The following NOVA1 variants were observed in gnomAD, a reference collection of about 807,000 sequenced individuals.
NOVA1 encodes the protein RNA-binding protein Nova-1.
NOVA1 carries 7 observed loss-of-function variants against 38.0 expected under a neutral mutation model. The ratio of observed to expected loss-of-function variants is 0.18; its 90% CI spans 0.10 to 0.35. The LOEUF (loss-of-function observed/expected upper bound fraction) is 0.35. NOVA1 is among the 10% of genes least tolerant of loss of function. The pLI is 1.00. For missense variants in NOVA1, 460 were observed against 616.0 expected, an observed-to-expected ratio of 0.75 and a Z score of 2.68; for synonymous variants, 270 against 232.5, an observed-to-expected ratio of 1.16 and a Z score of -1.47.
intron 2 of NOVA1, among the ~76,000 whole-genome samples, chr14:26,516,394 T>A (rs1374274199): frequency 6.6e-6 from 1 of 152,176 alleles, no homozygotes; most frequent in African/African-American, 2.4e-5. Flanking sequence ...TTTTCCCCTT[T>A]ATGGTTAGAG....
Position 26,482,479 on chromosome 14 carries a change from T to TA in NOVA1, c.281-2337dup, listed in dbSNP as rs559584698. Among the ~76,000 whole-genome samples the TA allele has an allele frequency of 4.2e-4, 64 of 151,918 alleles. No individual in the cohort carries two copies. In the South Asian group the frequency reaches 7.7e-3, roughly 18 times the overall value. ...TGTCAGGTGTATGATCAAACTGTGT[T>TA]AAAAAAAATGAGCCTATAAATCATA... On this transcript the variant is annotated intron_variant, in intron 2 of 4. Transcript: ENST00000539517.
At chr14:26,530,585 G>A (rs545517819) in intron 2 of NOVA1, among the ~76,000 whole-genome samples, 11 of 152,104 alleles carry the variant, frequency 7.2e-5, no homozygotes, top group South Asian at 2.1e-4. Flanking sequence ...TGTTACTTGC[G>A]CTGTTTATTC....
At chr14:26,465,286 T>C (rs2138222832) in intron 4 of NOVA1, among the ~76,000 whole-genome samples, 1 of 152,208 alleles carries the variant, frequency 6.6e-6, no homozygotes. Context: ...GCAATTCTCC[T>C]CCCTCAGCCT....
chr14:26,454,699 C>A (rs1883010473), intron 4 of NOVA1, among the ~76,000 whole-genome samples: 1 of 152,100 alleles, frequency 6.6e-6, no homozygotes, highest in South Asian at 2.1e-4. Context: ...TTATATCATG[C>A]ATTATTTGCC....
chr14:26,483,918 A>G (rs1204503129), intron 2 of NOVA1, among the ~76,000 whole-genome samples: 2 of 152,194 alleles, frequency 1.3e-5, no homozygotes, highest in Non-Finnish European at 1.5e-5. Context: ...AATGACAAGG[A>G]CAGAGTTTTG....
At chr14:26,515,804 T>C (rs1252852830) in intron 2 of NOVA1, among the ~76,000 whole-genome samples, 1 of 152,062 alleles carries the variant, frequency 6.6e-6, no homozygotes, top group Non-Finnish European at 1.5e-5. Flanking sequence ...TTAGAATGCC[T>C]ATACATTTCC....
chr14:26,579,024 ATT>A (rs78974592), intron 2 of NOVA1, among the ~76,000 whole-genome samples: 2 of 67,974 alleles, frequency 2.9e-5, no homozygotes, highest in East Asian at 3.2e-4. Flanking sequence ...CAGTTTCTTT[ATT>A]TTTTTTTTTC....
intron 2 of NOVA1, among the ~76,000 whole-genome samples, chr14:26,483,758 T>C (rs894722491): frequency 2.6e-5 from 4 of 152,090 alleles, no homozygotes; most frequent in Non-Finnish European, 5.9e-5. Context: ...GACACAAAAA[T>C]AGTTTATAAG....
chr14:26,481,988 T>TAAAAAAAAAAA lies in NOVA1; in HGVS notation c.281-1856_281-1846dup, dbSNP rs372806170. On this transcript the variant is annotated intron_variant, in intron 2 of 4. Coordinates refer to ENST00000539517, the MANE Select transcript of NOVA1 (RefSeq NM_002515.3). ...CAAAACAGTCTAACTTAGATAGAGATAAAAAAAAAAAAAAAAAAAAAAAAA... is the reference window on the plus strand; with the variant it reads ...CAAAACAGTCTAACTTAGATAGAGATAAAAAAAAAAAAAAAAAAAAAAAAAAAAAAAAAAAA... Among the ~76,000 whole-genome samples the TAAAAAAAAAAA allele has an allele frequency of 6.7e-4, 71 of 105,932 alleles. 2 individuals carry two copies. Among genetic ancestry groups the TAAAAAAAAAAA allele is most frequent in the African/African-American group, 1.7e-3 (33 of 19,700 alleles). The allele number at this position is 105,932 out of a possible 152,430, so 69.5% of individuals were successfully genotyped here.
intron 2 of NOVA1, among the ~76,000 whole-genome samples, chr14:26,553,181 T>C (rs950151170): frequency 6.6e-6 from 1 of 152,182 alleles, no homozygotes; most frequent in Non-Finnish European, 1.5e-5. Context: ...GTAGCACTTT[T>C]CCAATCGCCC....
chr14:26,457,689 G>C (rs1005139792), intron 4 of NOVA1, among the ~76,000 whole-genome samples: 4 of 152,046 alleles, frequency 2.6e-5, no homozygotes, highest in Admixed American at 1.3e-4. Flanking sequence ...CATTATTCTA[G>C]ACTGTACTCC....
intron 2 of NOVA1, among the ~76,000 whole-genome samples, chr14:26,481,988 T>TAAAAAAAAAAAAAA (rs372806170): frequency 2.1e-4 from 22 of 105,948 alleles, no homozygotes; most frequent in African/African-American, 4.6e-4. Context: ...TAGATAGAGA[T>TAAAAAAAAAAAAAA]AAAAAAAAAA....
chr14:26,531,541 A>G (rs1023645690), intron 2 of NOVA1, among the ~76,000 whole-genome samples: 2 of 152,310 alleles, frequency 1.3e-5, no homozygotes, highest in Admixed American at 1.3e-4. Flanking sequence ...CAGGTGGTGG[A>G]GGTTGCCGTG....
chr14:26,555,975 G>C (rs983409552), intron 2 of NOVA1, among the ~76,000 whole-genome samples: 3 of 152,060 alleles, frequency 2.0e-5, no homozygotes, highest in African/African-American at 7.2e-5. Context: ...TATGTGAGAA[G>C]AACCACAATA....
At chr14:26,570,540 A>G (rs1422861436) in intron 2 of NOVA1, among the ~76,000 whole-genome samples, 1 of 152,028 alleles carries the variant, frequency 6.6e-6, no homozygotes. Context: ...TCTAGCATCT[A>G]TATAACACAT....
Position 26,456,756 on chromosome 14 carries a change from A to G in NOVA1, c.520-7793T>C, listed in dbSNP as rs370848621. On this transcript the variant is annotated intron_variant, in intron 4 of 4. Transcript: ENST00000539517. Reference sequence around the variant, plus strand: ...TGGGGAAATTTCCAAAACAGAGGACATTGTACAATGTATTAGTACACTGTA... The same window carrying G: ...TGGGGAAATTTCCAAAACAGAGGACGTTGTACAATGTATTAGTACACTGTA... Among the ~76,000 whole-genome samples, 434 of 152,134 alleles carry G rather than the reference A, an allele frequency of 2.9e-3. 1 individual carries two copies. The highest frequency in any genetic ancestry group is 0.011 in the South Asian group (55 of 4,828).
At chr14:26,497,303 A>C (rs1362951987) in intron 2 of NOVA1, among the ~76,000 whole-genome samples, 1 of 152,176 alleles carries the variant, frequency 6.6e-6, no homozygotes, top group Non-Finnish European at 1.5e-5. Context: ...AAGAGGATAC[A>C]AACAAATGGA....
chr14:26,499,880 G>A (rs1341751053), intron 2 of NOVA1, among the ~76,000 whole-genome samples: 1 of 152,070 alleles, frequency 6.6e-6, no homozygotes, highest in East Asian at 1.9e-4. Flanking sequence ...TCTTAAAGCC[G>A]TGATGTTTGT....
chr14:26,490,091 T>A (rs897487593), intron 2 of NOVA1, among the ~76,000 whole-genome samples: 10 of 152,232 alleles, frequency 6.6e-5, no homozygotes, highest in Non-Finnish European at 1.2e-4. Context: ...AGATATTTCG[T>A]ATAAATGGAA....
Sources: gnomAD v4.1 joint callset for allele counts (sites outside exome capture counted in the v4.1 genomes callset) on GRCh38, gnomAD v4.1.1 for gene constraint, MANE v1.5 for transcripts, NCBI Gene and HGNC (gene_info 2026-07-23, HGNC 2026-07-21) for gene names.